Variants in PAK3 observed in about 807,000 individuals in gnomAD.
PAK3 encodes the protein serine/threonine-protein kinase PAK 3.
In PAK3, 4 loss-of-function variants were observed where a neutral mutation model predicts 41.0. The ratio of observed to expected loss-of-function variants is 0.10; its 90% confidence interval spans 0.05 to 0.22. The LOEUF (loss-of-function observed/expected upper bound fraction) is 0.22. Among genes scored for constraint, PAK3 ranks in the 10% least tolerant of loss-of-function variants. PAK3 has a pLI of 1.00. For missense variants in PAK3, 205 were observed against 409.9 expected (o/e 0.50, Z 4.32); for synonymous variants, 146 against 139.6 (o/e 1.05, Z -0.32).
chrX:111,086,910 A>G (rs1484606021), intron 1 of PAK3, among the ~76,000 whole-genome samples: 2 of 112,049 alleles, frequency 1.8e-5, no homozygotes, highest in East Asian at 2.8e-4. Context: ...AAACAAACAG[A>G]TAAGGACTAT....
rs1476806848 is a variant in PAK3, at chrX:111,162,900, T to C, written c.469-15T>C. On this transcript the variant is annotated splice_polypyrimidine_tract_variant and intron_variant, in intron 8 of 17. Coordinates refer to ENST00000372007, the MANE Select transcript of PAK3 (RefSeq NM_002578.5). The stretch of plus-strand genomic sequence containing the variant: ...GAGTTAATACCTGATCTTTAAACTT[T>C]GTTTTTGTCACAAGAGTACAAAAAC... 2.5e-6 allele frequency: 3 copies of C among 1,198,346 alleles called. No homozygotes were observed. The highest frequency in any genetic ancestry group is 3.4e-6 in the Non-Finnish European group (3 of 884,897).
intron 11 of PAK3, among the ~76,000 whole-genome samples, chrX:111,177,907 G>T (rs1010961276): frequency 5.4e-5 from 6 of 111,267 alleles, no homozygotes; most frequent in Non-Finnish European, 7.6e-5. Context: ...TCTCTTTCAG[G>T]TTCATATTGT....
chrX:111,161,250 G>A (rs188673207), intron 8 of PAK3, among the ~76,000 whole-genome samples: 6 of 111,622 alleles, frequency 5.4e-5, no homozygotes, highest in South Asian at 7.4e-4. Context: ...GTTTTTTGGC[G>A]GCATAAATAT....
At chrX:111,198,427 T>C (rs1400404520) in intron 16 of PAK3, among the ~76,000 whole-genome samples, 1 of 112,573 alleles carries the variant, frequency 8.9e-6, no homozygotes, top group Non-Finnish European at 1.9e-5. Flanking sequence ...TGGTATTTCC[T>C]AGGTTTTCTT....
intron 1 of PAK3, among the ~76,000 whole-genome samples, chrX:110,971,506 T>A (rs1843146357): frequency 8.9e-6 from 1 of 112,346 alleles, no homozygotes; most frequent in South Asian, 3.7e-4. Flanking sequence ...ATTTAGGTTG[T>A]TTCCATTTGT....
chrX:111,157,476 C>T (rs1444604811), intron 8 of PAK3, among the ~76,000 whole-genome samples: 3 of 111,056 alleles, frequency 2.7e-5, no homozygotes, highest in African/African-American at 6.6e-5. Context: ...CCTAAGAGTC[C>T]GGGACCCAAC....
intron 1 of PAK3, among the ~76,000 whole-genome samples, chrX:111,045,514 C>G (rs1009820744): frequency 1.8e-5 from 2 of 111,745 alleles, no homozygotes; most frequent in Non-Finnish European, 3.8e-5. Context: ...TGTGATTGCA[C>G]TCACTGTCTG....
At chrX:111,093,210 C>T (rs1461343225), upstream of PAK3, among the ~76,000 whole-genome samples, 1 of 111,562 alleles carries the variant, frequency 9.0e-6, no homozygotes, top group African/African-American at 3.3e-5. Context: ...TTTCCAGGAC[C>T]ATCTCTGTGA....
At chrX:111,169,996 G>C (rs951971371) in intron 10 of PAK3, among the ~76,000 whole-genome samples, 6 of 111,325 alleles carry the variant, frequency 5.4e-5, no homozygotes, top group African/African-American at 2.0e-4. Flanking sequence ...TCTGCACTTA[G>C]AGGATCCTGA....
At position 111,196,529 on chromosome X, in the gene PAK3, G is replaced by A. The variant is rs1274712016; in HGVS notation, c.1296G>A (p.Glu432=). 3 of 1,201,099 alleles carry A rather than the reference G, an allele frequency of 2.5e-6. No homozygotes were observed. The highest frequency in any genetic ancestry group is 5.9e-5 in the East Asian group (2 of 33,807). ...GAACCCCATATTGGATGGCACCTGA[G>A]GTGGTGACTCGAAAAGCTTATGGTC... ...MVGTPYWMAP[E]VVTRKAYGPK... Residue 432 remains glutamate, a synonymous_variant, in exon 16 of 18, where the codon GAG becomes GAA. Transcript: ENST00000372007.
chrX:111,091,366 T>C (rs2092927905), upstream of PAK3, among the ~76,000 whole-genome samples: 5 of 111,609 alleles, frequency 4.5e-5, no homozygotes, highest in South Asian at 1.5e-3. Flanking sequence ...CAGAAATCTG[T>C]TAAATCTGCT....
upstream of PAK3, among the ~76,000 whole-genome samples, chrX:111,095,497 C>T (rs183078779): frequency 1.8e-5 from 2 of 111,877 alleles, no homozygotes; most frequent in Non-Finnish European, 3.8e-5. Context: ...AAATTTGAAC[C>T]GTATCCTAAA....
intron 1 of PAK3, among the ~76,000 whole-genome samples, chrX:111,083,914 T>C (rs2092857234): frequency 8.9e-6 from 1 of 112,709 alleles, no homozygotes; most frequent in Admixed American, 9.4e-5. Context: ...GGCAGAGTGC[T>C]AGGCATTGAA....
chrX:111,203,802 G>T (rs911377585), intron 16 of PAK3, among the ~76,000 whole-genome samples: 1 of 111,976 alleles, frequency 8.9e-6, no homozygotes, highest in South Asian at 3.7e-4. Flanking sequence ...GTTTGATGGC[G>T]TGTGCTCATT....
upstream of PAK3, among the ~76,000 whole-genome samples, chrX:111,094,252 T>A (rs916660350): frequency 1.8e-5 from 2 of 111,665 alleles, no homozygotes; most frequent in African/African-American, 3.3e-5. Context: ...CCTGATTTTT[T>A]AAAAATGCCA....
chrX:111,053,410 C>T (rs1254551254), intron 1 of PAK3, among the ~76,000 whole-genome samples: 2 of 111,921 alleles, frequency 1.8e-5, no homozygotes, highest in Non-Finnish European at 3.8e-5. Context: ...TGTCCAGAGA[C>T]TTCTCTTTCT....
At chrX:111,061,429 C>T (rs2148809050) in intron 1 of PAK3, among the ~76,000 whole-genome samples, 1 of 111,911 alleles carries the variant, frequency 8.9e-6, no homozygotes, top group Non-Finnish European at 1.9e-5. Context: ...GGGGAAGTAT[C>T]TCATATATTT....
intron 4 of PAK3, among the ~76,000 whole-genome samples, chrX:111,106,969 C>T (rs2093278670): frequency 8.9e-6 from 1 of 112,053 alleles, no homozygotes; most frequent in South Asian, 3.8e-4. Context: ...AAATCATCTC[C>T]AATACAGCCT....
rs1471575429 is a variant in PAK3, at chrX:111,163,420, T to G, written c.601-142T>G. ...AGCTCCCATGATCTTTCAACAGTGT[T>G]GTACTTTCAGCTACTCAAAGTCCTT... On this transcript the variant is annotated intron_variant, in intron 9 of 17. Transcript: ENST00000372007. 56 of 518,712 alleles carry G rather than the reference T, an allele frequency of 1.1e-4. 1 individual carries two copies. The highest frequency in any genetic ancestry group is 7.8e-5 in the Non-Finnish European group (23 of 294,909). The allele number at this position is 518,712 out of a possible 1,213,427, so 42.7% of individuals were successfully genotyped here. A position where few individuals can be genotyped will look rare whatever the true frequency, so the allele number is the denominator to read the frequency against.
Sources: gnomAD v4.1 joint callset for allele counts (sites outside exome capture counted in the v4.1 genomes callset) on GRCh38, gnomAD v4.1.1 for gene constraint, MANE v1.5 for transcripts, NCBI Gene and HGNC (gene_info 2026-07-23, HGNC 2026-07-21) for gene names.